DNAI4: variants seen among roughly 807,000 people sequenced by gnomAD.
DNAI4 encodes the protein dynein axonemal intermediate chain 4.
In DNAI4, 85 loss-of-function variants were observed where a neutral mutation model predicts 105.8. The observed-to-expected ratio is 0.80, with a 90% CI of 0.67 to 0.96. The LOEUF is 0.96. DNAI4 is among the 40% of genes least tolerant of loss of function. The pLI, the probability that DNAI4 is intolerant of heterozygous loss-of-function variation, is 0.00. For synonymous variants in DNAI4, 352 were observed against 331.5 expected (o/e 1.06, Z -0.67); for missense variants, 1,014 against 1,005.6 (o/e 1.01, Z -0.11).
chr1:66,867,216 C>T (rs919106587), intron 6 of DNAI4, among the ~76,000 whole-genome samples: 9 of 152,218 alleles, frequency 5.9e-5, no homozygotes, highest in Non-Finnish European at 1.2e-4. Flanking sequence ...GTTCTCTACA[C>T]TGACCTATTT....
At chr1:66,814,767 C>T (rs1055064003) in intron 16 of DNAI4, among the ~76,000 whole-genome samples, 2 of 152,118 alleles carry the variant, frequency 1.3e-5, no homozygotes, top group African/African-American at 4.8e-5. Context: ...TAAGCCTAAA[C>T]TTTCTTATTT....
chr1:66,914,620 C>T (rs1649927752), intron 1 of DNAI4, among the ~76,000 whole-genome samples: 2 of 151,770 alleles, frequency 1.3e-5, no homozygotes, highest in African/African-American at 2.4e-5. Flanking sequence ...GAGTTGTTTC[C>T]TTTAACATGC....
rs943828294 is a variant in DNAI4 at position 66,865,148 on chromosome 1, C to T, written c.941-2846G>A. On this transcript the variant is annotated intron_variant, in intron 6 of 16. Transcript: ENST00000371026. ...ATATTAAGATTTTATGGATGCCAGC[C>T]GTGATGGCTCACGCCTGTAATCCCA... Among the ~76,000 whole-genome samples the T allele has an allele frequency of 1.3e-4, 20 of 152,136 alleles. 1 individual carries two copies. In the East Asian group the frequency reaches 2.9e-3, roughly 22 times the overall value.
intron 8 of DNAI4, among the ~76,000 whole-genome samples, chr1:66,846,640 T>C (rs1482946542): frequency 6.6e-6 from 1 of 152,206 alleles, no homozygotes; most frequent in Admixed American, 6.5e-5. Context: ...TGATACACTT[T>C]GAGCTTTGTA....
chr1:66,900,218 C>T (rs1282327961), intron 2 of DNAI4, among the ~76,000 whole-genome samples: 13 of 152,158 alleles, frequency 8.5e-5, no homozygotes, highest in Non-Finnish European at 1.5e-5. Context: ...TCTTCTGCCT[C>T]TGCCTCCCGA....
At chr1:66,909,136 A>C (rs923266349) in intron 1 of DNAI4, among the ~76,000 whole-genome samples, 1 of 152,178 alleles carries the variant, frequency 6.6e-6, no homozygotes, top group African/African-American at 2.4e-5. Flanking sequence ...TACCTTCAGC[A>C]TGTAAACAAG....
At chr1:66,877,090 G>A (rs1280036210) in intron 4 of DNAI4, among the ~76,000 whole-genome samples, 1 of 152,122 alleles carries the variant, frequency 6.6e-6, no homozygotes, top group Admixed American at 6.6e-5. Context: ...GAGGAAAAGG[G>A]ATGCAATTGT....
chr1:66,848,022 A>T (rs1646314393), intron 7 of DNAI4: 1 of 368,946 alleles, frequency 2.7e-6, no homozygotes, highest in African/African-American at 2.1e-5. Flanking sequence ...GAAATACTAT[A>T]CTATTGTATT....
At position 66,825,196 on chromosome 1, in the gene DNAI4, G is replaced by A. The variant is rs1302043734; in HGVS notation, c.2339+1624C>T. ...TTTTTTTTTTTTTTTTTTTTGAGAC[G>A]GAGTCTCGCTCTGTCGCCCAGGCGG... On this transcript the variant is annotated intron_variant, in intron 15 of 16. Transcript: ENST00000371026. 2.6e-4 allele frequency among the ~76,000 whole-genome samples: 32 copies of A among 125,460 alleles called. No individual in the cohort carries two copies. The East Asian group carries it at 6.5e-3, about 25-fold the overall frequency. 82.3% of individuals were successfully genotyped at this position (125,460 alleles called of 152,430 possible). A position where few individuals can be genotyped will look rare whatever the true frequency, so the allele number is the denominator to read the frequency against.
intron 16 of DNAI4, among the ~76,000 whole-genome samples, chr1:66,821,831 T>C (rs1233512226): frequency 1.3e-5 from 2 of 152,146 alleles, no homozygotes; most frequent in Admixed American, 1.3e-4. Context: ...AATGAAAATT[T>C]TAAATTGAAA....
At chr1:66,825,889 A>G (rs1645742629) in intron 15 of DNAI4, among the ~76,000 whole-genome samples, 1 of 152,214 alleles carries the variant, frequency 6.6e-6, no homozygotes, top group South Asian at 2.1e-4. Context: ...TCAAACAAGA[A>G]TTTATTTTCT....
chr1:66,892,977 G>GAAAGAA (rs1647831500), intron 3 of DNAI4, among the ~76,000 whole-genome samples: 1 of 128,402 alleles, frequency 7.8e-6, no homozygotes, highest in Non-Finnish European at 1.6e-5. Flanking sequence ...AAGAAAGAAA[G>GAAAGAA]AAAGAAAGAA....
At chr1:66,874,491 G>A (rs1463600238) in intron 5 of DNAI4, among the ~76,000 whole-genome samples, 4 of 152,010 alleles carry the variant, frequency 2.6e-5, no homozygotes, top group Non-Finnish European at 4.4e-5. Flanking sequence ...TAGAGACTTG[G>A]AAGCTTATTC....
intron 2 of DNAI4, among the ~76,000 whole-genome samples, chr1:66,904,587 A>G (rs559810949): frequency 1.3e-5 from 2 of 152,276 alleles, no homozygotes; most frequent in South Asian, 4.1e-4. Context: ...ATATTTTATC[A>G]AAATATGCTT....
intron 11 of DNAI4, among the ~76,000 whole-genome samples, chr1:66,835,277 T>C (rs1035162020): frequency 1.3e-5 from 2 of 152,192 alleles, no homozygotes; most frequent in Admixed American, 6.5e-5. Flanking sequence ...AAATAATTTT[T>C]ATATACAATG....
chr1:66,848,225 A>G (rs1197102975), intron 7 of DNAI4: 1 of 456,084 alleles, frequency 2.2e-6, no homozygotes, highest in African/African-American at 2.0e-5. Context: ...GGGCCACCAC[A>G]ACCTTTCCTT....
rs566485393 is a variant in DNAI4 at position 66,921,082 on chromosome 1, A to C, written c.170+3580T>G. Among the ~76,000 whole-genome samples the C allele has an allele frequency of 5.3e-5, 8 of 152,378 alleles. No homozygotes were observed. In the East Asian group the frequency reaches 1.5e-3, roughly 29 times the overall value. ...ACAGATATTTTGTAACTGTAAGACT[A>C]TGAATTTAAAATAATTGTGATTAAT... On this transcript the variant is annotated intron_variant, in intron 1 of 16. Coordinates refer to ENST00000371026, the MANE Select transcript of DNAI4 (RefSeq NM_024763.5).
intron 7 of DNAI4, among the ~76,000 whole-genome samples, chr1:66,861,582 T>C (rs764191576): frequency 4.6e-5 from 7 of 152,206 alleles, no homozygotes; most frequent in Non-Finnish European, 8.8e-5. Flanking sequence ...AGTTGTAATG[T>C]AGGGTTTCTC....
chr1:66,832,711 T>G (rs779848220), intron 13 of DNAI4, among the ~76,000 whole-genome samples: 2 of 152,180 alleles, frequency 1.3e-5, no homozygotes, highest in Non-Finnish European at 2.9e-5. Flanking sequence ...CTTGAAGGGA[T>G]GGATACCCCA....
Sources: allele counts gnomAD v4.1 joint callset (sites outside exome capture counted in the v4.1 genomes callset), GRCh38; gene constraint gnomAD v4.1.1; transcripts MANE v1.5; gene names NCBI Gene and HGNC (gene_info 2026-07-23, HGNC 2026-07-21).